The following STK32A variants were observed in gnomAD, a reference collection of about 807,000 sequenced individuals.
STK32A encodes serine/threonine-protein kinase 32A.
Under a neutral mutation model 53.2 loss-of-function variants are expected in STK32A, and 41 were observed. That is an observed-to-expected ratio of 0.77 (90% CI 0.60 to 1.00). STK32A has a LOEUF of 1.00. Among genes scored for constraint, STK32A ranks in the 50% least tolerant of loss-of-function variants. The pLI is 0.00. For synonymous variants in STK32A, 166 were observed against 162.8 expected (o/e 1.02, Z -0.15); for missense variants, 458 against 485.8 (o/e 0.94, Z 0.54).
At chr5:147,342,861 T>C in intron 5 of STK32A, 145 bp from the exon 6 acceptor site, 2 of 643,864 alleles carry the variant, frequency 3.1e-6, no homozygotes, top group Non-Finnish European at 5.3e-6. Context: ...ATAAATTTAC[T>C]GTGAGAATTG....
At chr5:147,289,583 C>A (rs867120173) in intron 4 of STK32A, among the ~76,000 whole-genome samples, 13 of 151,174 alleles carry the variant, frequency 8.6e-5, no homozygotes. Flanking sequence ...TACATTTATA[C>A]CTATACACAC....
At chr5:147,286,191 A>T (rs1277066243) in intron 4 of STK32A, among the ~76,000 whole-genome samples, 1 of 151,966 alleles carries the variant, frequency 6.6e-6, no homozygotes, top group East Asian at 1.9e-4. Context: ...ACCAAACATC[A>T]TATGTTCTCA....
chr5:147,369,962 C>T (rs1262270957), intron 8 of STK32A, among the ~76,000 whole-genome samples: 2 of 152,284 alleles, frequency 1.3e-5, no homozygotes, highest in South Asian at 2.1e-4. Context: ...TAGTGTAAAG[C>T]TGTGAAAACT....
chr5:147,386,816 G>T lies in STK32A; in HGVS notation c.*2833G>T, dbSNP rs1015058584. The T allele has an allele frequency of 2.3e-4, 35 of 152,178 alleles. 1 individual carries two copies. Among genetic ancestry groups the T allele is most frequent in the Admixed American group, 1.7e-3 (26 of 15,284 alleles). 9.4% of individuals were successfully genotyped at this position (152,178 alleles called of 1,614,324 possible). ...GATTGTAATCACCTCCCACCACTGT[G>T]CATTTTAAACATGAGAACAAAAAAC... On this transcript the variant is annotated 3_prime_UTR_variant, in exon 13 of 13. Transcript: ENST00000397936.
At chr5:147,382,305 A>G (rs1159815361) in intron 11 of STK32A, among the ~76,000 whole-genome samples, 1 of 151,956 alleles carries the variant, frequency 6.6e-6, no homozygotes, top group Non-Finnish European at 1.5e-5. Context: ...CTATATTTTT[A>G]TTAATACTTT....
At chr5:147,320,410 G>A (rs1024221597) in intron 4 of STK32A, among the ~76,000 whole-genome samples, 3 of 151,236 alleles carry the variant, frequency 2.0e-5, no homozygotes, top group Middle Eastern at 3.2e-3. Flanking sequence ...CCCACCCAAA[G>A]CTTGTGTTTT....
rs551084993 is a variant in STK32A, at chr5:147,279,256, G to A, written c.118G>A (p.Val40Ile). 6.2e-7 allele frequency: 1 copy of A among 1,613,546 alleles called. No homozygotes were observed. The highest frequency in any genetic ancestry group is 1.3e-5 in the African/African-American group (1 of 75,050). The change falls in exon 4 of 13, where the codon GTA (valine) becomes ATA (isoleucine). Residue 40 changes from valine (V) to isoleucine (I), a missense_variant. Coordinates refer to ENST00000397936, the MANE Select transcript of STK32A (RefSeq NM_001112724.2). ...GKGSFGKVCI[V>I]QKNDTKKMYA... is the part of the protein sequence containing the mutation. ...GGGTTTTCACCATTAGGTCTGCATT[G>A]TACAGAAGAATGATACCAAGAAGAT...
At chr5:147,295,548 G>T (rs1277484322) in intron 4 of STK32A, among the ~76,000 whole-genome samples, 2 of 152,204 alleles carry the variant, frequency 1.3e-5, no homozygotes, top group Admixed American at 1.3e-4. Context: ...CAAGTTATGT[G>T]AACTAAAAGG....
At chr5:147,316,206 T>C (rs968984585) in intron 4 of STK32A, among the ~76,000 whole-genome samples, 10 of 152,204 alleles carry the variant, frequency 6.6e-5, no homozygotes, top group Non-Finnish European at 8.8e-5. Flanking sequence ...AAGATTTTCA[T>C]TGAGGGAGAA....
chr5:147,278,420 C>A (rs1173953513), intron 3 of STK32A, among the ~76,000 whole-genome samples: 2 of 152,160 alleles, frequency 1.3e-5, no homozygotes, highest in Non-Finnish European at 2.9e-5. Context: ...AATCTGTTTA[C>A]TCTCAGTAAA....
At chr5:147,307,181 G>A (rs1753448431) in intron 4 of STK32A, among the ~76,000 whole-genome samples, 1 of 151,712 alleles carries the variant, frequency 6.6e-6, no homozygotes, top group South Asian at 2.1e-4. Flanking sequence ...TTTCTTTGGG[G>A]CATATAAACT....
rs1753474196 is a variant in STK32A at position 147,239,542 on chromosome 5, T to C, written c.-93T>C. 1.1e-6 allele frequency: 1 copy of C among 945,788 alleles called. No individual in the cohort carries two copies. The highest frequency in any genetic ancestry group is 1.7e-5 in the African/African-American group (1 of 59,520). The allele number at this position is 945,788 out of a possible 1,614,324, so 58.6% of individuals were successfully genotyped here. A position where few individuals can be genotyped will look rare whatever the true frequency, so the allele number is the denominator to read the frequency against. On this transcript the variant is annotated 5_prime_UTR_variant, in exon 2 of 13. Transcript: ENST00000397936. ...ACTATTTCTTTTCCTATCCTAGATA[T>C]CCAACTAAGGCTTCGGGACATGTTT...
intron 2 of STK32A, among the ~76,000 whole-genome samples, chr5:147,259,898 TC>T (rs532374404): frequency 1.4e-5 from 2 of 138,370 alleles, no homozygotes; most frequent in South Asian, 2.4e-4. Context: ...TCTTTCTCTC[TC>T]CTCTCTCTCT....
intron 4 of STK32A, among the ~76,000 whole-genome samples, chr5:147,298,214 G>A (rs1481375337): frequency 6.6e-6 from 1 of 152,158 alleles, no homozygotes; most frequent in Non-Finnish European, 1.5e-5. Context: ...AGTAGGAGGA[G>A]ATGGAGCAGT....
intron 2 of STK32A, among the ~76,000 whole-genome samples, chr5:147,260,043 G>GTC (rs1754442859): frequency 9.6e-6 from 1 of 104,558 alleles, no homozygotes; most frequent in African/African-American, 4.0e-5. Flanking sequence ...TCTCTCTCCT[G>GTC]TCTCTCCTCT....
At chr5:147,238,475 C>G (rs1178870751) in intron 1 of STK32A, among the ~76,000 whole-genome samples, 3 of 152,178 alleles carry the variant, frequency 2.0e-5, no homozygotes, top group African/African-American at 7.2e-5. Context: ...GACTGGAACA[C>G]AGGATGCTGC....
At chr5:147,331,137 A>C (rs1048047781) in intron 5 of STK32A, among the ~76,000 whole-genome samples, 2 of 152,208 alleles carry the variant, frequency 1.3e-5, no homozygotes, top group Non-Finnish European at 2.9e-5. Context: ...AGGTTTCTGA[A>C]GCCTGTGGGA....
the STK32A span, chr5:147,397,613 C>T: frequency 5.1e-6 from 8 of 1,562,186 alleles, no homozygotes; most frequent in South Asian, 2.4e-5. Flanking sequence ...TATCTCTGAG[C>T]GTGAGTGGAA....
chr5:147,247,954 T>C (rs187644420), intron 2 of STK32A, among the ~76,000 whole-genome samples: 1 of 152,100 alleles, frequency 6.6e-6, no homozygotes, highest in East Asian at 1.9e-4. Context: ...AAACCCTGTC[T>C]ATATTAAAAA....
Sources: allele counts gnomAD v4.1 joint callset (sites outside exome capture counted in the v4.1 genomes callset), GRCh38; gene constraint gnomAD v4.1.1; transcripts MANE v1.5; gene names NCBI Gene and HGNC (gene_info 2026-07-23, HGNC 2026-07-21).